GALNTL6: variants seen among roughly 807,000 people sequenced by gnomAD.
GALNTL6 encodes polypeptide N-acetylgalactosaminyltransferase like 6.
Under a neutral mutation model 73.7 loss-of-function variants are expected in GALNTL6, and 46 were observed. That is an observed-to-expected ratio of 0.62 (90% confidence interval 0.49 to 0.80). GALNTL6 has a LOEUF of 0.80. Ranked by LOEUF, GALNTL6 falls within the 30% of genes least tolerant of loss-of-function variation. The pLI is 0.00. For missense variants in GALNTL6, 604 were observed against 755.0 expected (o/e 0.80, Z 2.34); for synonymous variants, 259 against 263.7 (o/e 0.98, Z 0.17).
rs142542770 is a variant in GALNTL6 at position 171,989,429 on chromosome 4, G to A, written c.138+174711G>A. On this transcript the variant is annotated intron_variant, in intron 2 of 12. Coordinates refer to ENST00000506823, the MANE Select transcript of GALNTL6 (RefSeq NM_001034845.3). ...ATGGGTTCCTACACAGATGGGATACGGCTTAGGAGGAATCCTGGGCTGTGG... is the reference window on the plus strand; with the variant it reads ...ATGGGTTCCTACACAGATGGGATACAGCTTAGGAGGAATCCTGGGCTGTGG... Among the ~76,000 whole-genome samples, 722 of 152,296 alleles carry A rather than the reference G, an allele frequency of 4.7e-3. 2 individuals are homozygous for A. Among genetic ancestry groups the A allele is most frequent in the South Asian group, 0.012 (56 of 4,828 alleles).
chr4:172,089,774 C>T (rs1172786746), intron 2 of GALNTL6, among the ~76,000 whole-genome samples: 1 of 152,072 alleles, frequency 6.6e-6, no homozygotes, highest in African/African-American at 2.4e-5. Context: ...CATAGGTATA[C>T]AAGTGCATGG....
At chr4:172,305,821 G>A (rs1740110953) in intron 3 of GALNTL6, among the ~76,000 whole-genome samples, 1 of 152,074 alleles carries the variant, frequency 6.6e-6, no homozygotes, top group Non-Finnish European at 1.5e-5. Flanking sequence ...TGACTCACCA[G>A]TTTTGTTTTA....
intron 5 of GALNTL6, among the ~76,000 whole-genome samples, chr4:172,381,023 A>T (rs1460508377): frequency 6.6e-6 from 1 of 152,236 alleles, no homozygotes; most frequent in Non-Finnish European, 1.5e-5. Flanking sequence ...AATTTTATTC[A>T]GCTGCCCTCT....
chr4:172,311,642 C>A lies in GALNTL6; in HGVS notation c.276C>A (p.Pro92=). 1 of 1,609,846 alleles carries A rather than the reference C, an allele frequency of 6.2e-7. No individual in the cohort carries two copies. The highest frequency in any genetic ancestry group is 8.5e-7 in the Non-Finnish European group (1 of 1,177,864). Residue 92 remains proline, a synonymous_variant, in exon 4 of 13, where the codon CCC becomes CCA. Transcript: ENST00000506823. ...AAGGTGAACATGGGAAACCTTACCC[C>A]CTTACTGAAGAGGACCATGATGACT... ...SGKGEHGKPY[P]LTEEDHDDSA...
At chr4:172,950,637 T>C (rs375017090) in intron 9 of GALNTL6, among the ~76,000 whole-genome samples, 3 of 152,142 alleles carry the variant, frequency 2.0e-5, no homozygotes, top group Non-Finnish European at 4.4e-5. Context: ...GTACCAATGA[T>C]GGTGTCTCCA....
chr4:172,349,544 CTT>C (rs1456606150), intron 5 of GALNTL6, among the ~76,000 whole-genome samples: 1 of 152,020 alleles, frequency 6.6e-6, no homozygotes, highest in South Asian at 2.1e-4. Flanking sequence ...ACAGAAACAT[CTT>C]TTTTTCATAG....
chr4:172,595,453 C>G (rs1249671136), intron 5 of GALNTL6, among the ~76,000 whole-genome samples: 1 of 152,124 alleles, frequency 6.6e-6, no homozygotes, highest in African/African-American at 2.4e-5. Flanking sequence ...TTGAACCCAT[C>G]TAGTGTTAAG....
At chr4:172,150,352 A>G (rs1291772325) in intron 2 of GALNTL6, among the ~76,000 whole-genome samples, 1 of 152,232 alleles carries the variant, frequency 6.6e-6, no homozygotes, top group Admixed American at 6.5e-5. Context: ...TTCAAACTGA[A>G]TAAACCAGAG....
intron 5 of GALNTL6, among the ~76,000 whole-genome samples, chr4:172,785,702 G>C (rs1739615047): frequency 2.0e-5 from 3 of 152,128 alleles, no homozygotes; most frequent in Admixed American, 2.0e-4. Context: ...GTCTTTCTAA[G>C]ATTAAATTCA....
chr4:172,786,301 GA>G (rs1393843560), intron 5 of GALNTL6, among the ~76,000 whole-genome samples: 1 of 152,162 alleles, frequency 6.6e-6, no homozygotes, highest in Non-Finnish European at 1.5e-5. Context: ...ATCATTCTAT[GA>G]AGTAGTTTGC....
intron 7 of GALNTL6, among the ~76,000 whole-genome samples, chr4:172,862,563 G>A (rs1316004122): frequency 6.6e-6 from 1 of 152,122 alleles, no homozygotes; most frequent in South Asian, 2.1e-4. Flanking sequence ...AACTGGGCAT[G>A]GTGGCATGCA....
intron 5 of GALNTL6, among the ~76,000 whole-genome samples, chr4:172,774,524 C>G (rs1738961222): frequency 6.6e-6 from 1 of 152,308 alleles, no homozygotes; most frequent in East Asian, 1.9e-4. Context: ...AGGGAGCACA[C>G]AGCTGTTTTA....
At chr4:172,575,636 G>A (rs1379577696) in intron 5 of GALNTL6, among the ~76,000 whole-genome samples, 1 of 152,164 alleles carries the variant, frequency 6.6e-6, no homozygotes, top group Non-Finnish European at 1.5e-5. Context: ...AAAAGCTTCA[G>A]CTTATTATTC....
intron 2 of GALNTL6, among the ~76,000 whole-genome samples, chr4:172,080,390 C>T (rs1482334902): frequency 6.6e-6 from 1 of 151,986 alleles, no homozygotes; most frequent in African/African-American, 2.4e-5. Flanking sequence ...TGTATATTTC[C>T]CGGGTCCACA....
At chr4:172,664,871 G>T (rs1335574677) in intron 5 of GALNTL6, among the ~76,000 whole-genome samples, 1 of 152,120 alleles carries the variant, frequency 6.6e-6, no homozygotes, top group African/African-American at 2.4e-5. Context: ...CTAGAACAGG[G>T]TTTGGCAATC....
chr4:172,089,235 G>GA (rs772494461), intron 2 of GALNTL6, among the ~76,000 whole-genome samples: 37 of 150,356 alleles, frequency 2.5e-4, no homozygotes, highest in East Asian at 1.2e-3. Flanking sequence ...TATGGAAACA[G>GA]AAAAAAAAAG....
intron 5 of GALNTL6, among the ~76,000 whole-genome samples, chr4:172,595,639 T>C (rs2111010518): frequency 6.6e-6 from 1 of 152,330 alleles, no homozygotes; most frequent in African/African-American, 2.4e-5. Flanking sequence ...CAAAGTGAAA[T>C]TCACAAATGC....
intron 5 of GALNTL6, among the ~76,000 whole-genome samples, chr4:172,355,196 A>G (rs1312352347): frequency 2.0e-5 from 3 of 152,122 alleles, no homozygotes; most frequent in African/African-American, 7.2e-5. Flanking sequence ...TCTTCTAAAG[A>G]AAGTAATAAT....
At chr4:172,995,718 T>G (rs1282639863) in intron 10 of GALNTL6, among the ~76,000 whole-genome samples, 1 of 152,252 alleles carries the variant, frequency 6.6e-6, no homozygotes, top group Non-Finnish European at 1.5e-5. Context: ...AAAGAAGAGC[T>G]AAAGTAAACT....
Sources: allele counts gnomAD v4.1 joint callset (sites outside exome capture counted in the v4.1 genomes callset), GRCh38; gene constraint gnomAD v4.1.1; transcripts MANE v1.5; gene names NCBI Gene and HGNC (gene_info 2026-07-23, HGNC 2026-07-21).